Variants in EEFSEC observed in about 807,000 individuals in gnomAD.
EEFSEC encodes eukaryotic elongation factor, selenocysteine-tRNA specific.
A neutral mutation model predicts 42.1 loss-of-function variants in EEFSEC; 43 were observed. That is an observed-to-expected ratio of 1.02 (90% confidence interval 0.80 to 1.32). EEFSEC has a LOEUF of 1.32. EEFSEC is among the 40% of genes most tolerant of loss of function. The probability of loss-of-function intolerance (pLI) is 0.00; values close to 1 mark genes in which losing one functional copy is unlikely to be tolerated. For missense variants in EEFSEC, 745 were observed against 803.6 expected, an observed-to-expected ratio of 0.93 and a Z score of 0.88; for synonymous variants, 354 against 339.1, an observed-to-expected ratio of 1.04 and a Z score of -0.48.
intron 1 of EEFSEC, among the ~76,000 whole-genome samples, chr3:128,212,218 A>G (rs1245308779): frequency 6.6e-6 from 1 of 152,138 alleles, no homozygotes; most frequent in African/African-American, 2.4e-5. Context: ...GGAGTTTGGA[A>G]ACGTCTATGA....
intron 1 of EEFSEC, among the ~76,000 whole-genome samples, chr3:128,198,040 C>T (rs536756747): frequency 9.9e-5 from 15 of 152,192 alleles, no homozygotes; most frequent in Admixed American, 7.8e-4. Context: ...TGTGCAGTTC[C>T]GAGCTCAGGG....
Position 128,231,927 on chromosome 3 carries a change from T to C in EEFSEC, c.317-14909T>C, listed in dbSNP as rs114148085. Among the ~76,000 whole-genome samples the C allele has an allele frequency of 4.5e-3, 689 of 152,272 alleles. 4 individuals carry two copies. The highest frequency in any genetic ancestry group is 0.015 in the African/African-American group (604 of 41,546). On this transcript the variant is annotated intron_variant, in intron 1 of 6. Coordinates refer to ENST00000254730, the MANE Select transcript of EEFSEC (RefSeq NM_021937.5). Reference sequence around the variant, plus strand: ...GCTCTTCCCTGGGTGAGGTTTGTGTTTGGATTTCAGGCGTCGCTGATGGTG... The same window carrying C: ...GCTCTTCCCTGGGTGAGGTTTGTGTCTGGATTTCAGGCGTCGCTGATGGTG...
At chr3:128,366,472 T>A (rs1304469975) in intron 6 of EEFSEC, among the ~76,000 whole-genome samples, 1 of 152,178 alleles carries the variant, frequency 6.6e-6, no homozygotes, top group Non-Finnish European at 1.5e-5. Context: ...TCACCCCAGT[T>A]CTGCAGAGGA....
At chr3:128,367,556 G>C (rs1448835740) in intron 6 of EEFSEC, 1 of 868,334 alleles carries the variant, frequency 1.2e-6, no homozygotes, top group Non-Finnish European at 1.4e-6. Context: ...TCCTGTGCCT[G>C]TAAGCAAGAG....
intron 1 of EEFSEC, among the ~76,000 whole-genome samples, chr3:128,161,610 A>G (rs191131883): frequency 1.3e-5 from 2 of 152,284 alleles, no homozygotes; most frequent in East Asian, 3.9e-4. Context: ...AACATCCAAG[A>G]GCCTACAAGA....
chr3:128,425,048 G>A, the EEFSEC span, among the ~76,000 whole-genome samples: 1 of 152,100 alleles, frequency 6.6e-6, no homozygotes, highest in Non-Finnish European at 1.5e-5. Context: ...ATTGTTGTTT[G>A]TCACATACAG....
At chr3:128,246,753 T>A in intron 1 of EEFSEC, 83 bp from the exon 2 acceptor site, 1 of 1,428,756 alleles carries the variant, frequency 7.0e-7, no homozygotes, top group Non-Finnish European at 9.8e-7. Context: ...TTTACTGCAG[T>A]GCTTTGACCT....
chr3:128,191,687 G>T (rs2065526051), intron 1 of EEFSEC, among the ~76,000 whole-genome samples: 1 of 152,104 alleles, frequency 6.6e-6, no homozygotes, highest in African/African-American at 2.4e-5. Flanking sequence ...GACTACTCTA[G>T]GGAACTCATA....
At chr3:128,395,902 C>A (rs1441620695) in intron 6 of EEFSEC, among the ~76,000 whole-genome samples, 1 of 152,204 alleles carries the variant, frequency 6.6e-6, no homozygotes, top group Non-Finnish European at 1.5e-5. Flanking sequence ...TCCCTCACCC[C>A]AACTGAGGAA....
intron 5 of EEFSEC, among the ~76,000 whole-genome samples, chr3:128,347,035 C>T (rs7610072): frequency 0.015 from 2,267 of 152,264 alleles, 58 homozygotes; most frequent in African/African-American, 0.05. Context: ...AGAATGAGCA[C>T]CCTGCGAGGA....
chr3:128,413,510 G>T (rs1162114199), downstream of EEFSEC, among the ~76,000 whole-genome samples: 1 of 152,176 alleles, frequency 6.6e-6, no homozygotes, highest in East Asian at 1.9e-4. Flanking sequence ...TGTCGGGCCG[G>T]CCCCGAACCC....
chr3:128,164,158 A>G (rs141448615), intron 1 of EEFSEC, among the ~76,000 whole-genome samples: 33 of 152,178 alleles, frequency 2.2e-4, no homozygotes, highest in African/African-American at 7.2e-4. Flanking sequence ...AAAGGACCAC[A>G]TGGAGCTGCA....
At position 128,403,988 on chromosome 3, in the gene EEFSEC, T is replaced by C. The variant is rs567002952; in HGVS notation, c.1601-4081T>C. On this transcript the variant is annotated intron_variant, in intron 6 of 6. Transcript: ENST00000254730. Reference sequence around the variant, plus strand: ...TGTGCATTCACCACTATTTATCTCCTGTTCTGGCATGTTCCCTGAATATTT... The same window carrying C: ...TGTGCATTCACCACTATTTATCTCCCGTTCTGGCATGTTCCCTGAATATTT... Among the ~76,000 whole-genome samples the C allele has an allele frequency of 2.0e-5, 3 of 152,368 alleles. No individual in the cohort carries two copies. The South Asian group carries it at 6.2e-4, about 32-fold the overall frequency.
At chr3:128,206,510 C>T (rs555695277) in intron 1 of EEFSEC, among the ~76,000 whole-genome samples, 1 of 152,282 alleles carries the variant, frequency 6.6e-6, no homozygotes, top group Admixed American at 6.5e-5. Flanking sequence ...GAACACAAAT[C>T]TGTTTTGAAA....
intron 4 of EEFSEC, among the ~76,000 whole-genome samples, chr3:128,319,572 G>A (rs1336339601): frequency 6.6e-6 from 1 of 152,180 alleles, no homozygotes; most frequent in Non-Finnish European, 1.5e-5. Context: ...GCTTCTGAAA[G>A]TCATCTCAAG....
At chr3:128,335,671 C>G (rs1175169148) in intron 4 of EEFSEC, among the ~76,000 whole-genome samples, 1 of 152,158 alleles carries the variant, frequency 6.6e-6, no homozygotes, top group African/African-American at 2.4e-5. Context: ...GTCACATCAT[C>G]TGTGTTTTCC....
intron 4 of EEFSEC, among the ~76,000 whole-genome samples, chr3:128,293,207 G>A (rs2066662602): frequency 6.6e-6 from 1 of 152,192 alleles, no homozygotes; most frequent in East Asian, 1.9e-4. Flanking sequence ...TATGGATTTT[G>A]GCAAAAATAC....
chr3:128,160,378 T>A (rs1447613721), intron 1 of EEFSEC, among the ~76,000 whole-genome samples: 5 of 152,172 alleles, frequency 3.3e-5, no homozygotes, highest in African/African-American at 4.8e-5. Context: ...TGGCTGGAAA[T>A]CGGCGTGGTG....
chr3:128,408,333 C>G lies in EEFSEC; in HGVS notation c.*74C>G. ...TGCTGTGCCAAATCCCAACCAGCCA[C>G]GCCTCAGCCTCTCCCAGTCTCTCCC... On this transcript the variant is annotated 3_prime_UTR_variant, in exon 7 of 7. Coordinates refer to ENST00000254730, the MANE Select transcript of EEFSEC (RefSeq NM_021937.5). The G allele has an allele frequency of 7.0e-7, 1 of 1,425,352 alleles. No individual in the cohort carries two copies. 88.3% of individuals were successfully genotyped at this position (1,425,352 alleles called of 1,614,324 possible). A position where few individuals can be genotyped will look rare whatever the true frequency, so the allele number is the denominator to read the frequency against.
Sources: allele counts gnomAD v4.1 joint callset (sites outside exome capture counted in the v4.1 genomes callset), GRCh38; gene constraint gnomAD v4.1.1; transcripts MANE v1.5; gene names NCBI Gene and HGNC (gene_info 2026-07-23, HGNC 2026-07-21).